Variants in AQP9 observed in about 807,000 individuals in gnomAD.
AQP9 encodes the protein aquaporin 9.
AQP9 carries 19 observed loss-of-function variants against 23.8 expected under a neutral mutation model. That is an observed-to-expected ratio of 0.80 (90% CI 0.56 to 1.17). The LOEUF (loss-of-function observed/expected upper bound fraction) is 1.17, where lower values mean the gene tolerates loss of function less well. Ranked by LOEUF, AQP9 falls within the 50% of genes most tolerant of loss-of-function variation. The pLI, the probability that AQP9 is intolerant of heterozygous loss-of-function variation, is 0.00. For missense variants in AQP9, 413 were observed against 362.0 expected (o/e 1.14, Z -1.14); for synonymous variants, 153 against 131.5 (o/e 1.16, Z -1.12).
chr15:58,158,055 T>G (rs1898300591), intron 1 of AQP9, among the ~76,000 whole-genome samples: 1 of 152,150 alleles, frequency 6.6e-6, no homozygotes, highest in South Asian at 2.1e-4. Flanking sequence ...CAGCCCTTTC[T>G]CTTTGGACTG....
chr15:58,148,516 A>G (rs1898090252), intron 1 of AQP9, among the ~76,000 whole-genome samples: 1 of 152,216 alleles, frequency 6.6e-6, no homozygotes, highest in Admixed American at 6.5e-5. Context: ...GAGTGACAAG[A>G]GGCGGCCTTG....
At chr15:58,150,473 C>A (rs1257303836) in intron 1 of AQP9, 2 of 152,610 alleles carry the variant, frequency 1.3e-5, no homozygotes, top group African/African-American at 4.8e-5. Context: ...TACATCTAAC[C>A]ACCACTTTGG....
intron 2 of AQP9, among the ~76,000 whole-genome samples, chr15:58,170,551 T>C (rs1180732124): frequency 1.3e-5 from 2 of 151,620 alleles, no homozygotes; most frequent in African/African-American, 4.8e-5. Context: ...ACTACAGGCG[T>C]ATGCCACTAT....
chr15:58,180,984 C>T lies in AQP9; in HGVS notation c.713+1639C>T, dbSNP rs574099718. ...CTCCTTATTCCCAGAGCCCAGAATT[C>T]GCCCATGAGTTTCCCTTAATTCCAC... On this transcript the variant is annotated intron_variant, in intron 5 of 5. Coordinates refer to ENST00000219919, the MANE Select transcript of AQP9 (RefSeq NM_020980.5). 3.9e-5 allele frequency among the ~76,000 whole-genome samples: 6 copies of T among 152,304 alleles called. No homozygotes were observed. The East Asian group carries it at 5.8e-4, about 15-fold the overall frequency.
chr15:58,185,200 A>C lies in AQP9; in HGVS notation c.*1065A>C, dbSNP rs1898996439. On this transcript the variant is annotated 3_prime_UTR_variant, in exon 6 of 6. Coordinates refer to ENST00000219919, the MANE Select transcript of AQP9 (RefSeq NM_020980.5). ...TGCCACATTGCCCATTTTTCAGATA[A>C]AGAAACAAAATCTTAGGGAAGATAA... The C allele has an allele frequency of 6.6e-6, 1 of 152,568 alleles. No individual in the cohort carries two copies. The highest frequency in any genetic ancestry group is 2.1e-4 in the South Asian group (1 of 4,830). 9.5% of individuals were successfully genotyped at this position (152,568 alleles called of 1,614,324 possible).
intron 1 of AQP9, among the ~76,000 whole-genome samples, chr15:58,157,348 AC>A (rs768545634): frequency 1.1e-4 from 17 of 152,224 alleles, no homozygotes; most frequent in Non-Finnish European, 2.1e-4. Context: ...CTTTGAAAGA[AC>A]AATAATGAAT....
intron 1 of AQP9, among the ~76,000 whole-genome samples, chr15:58,159,664 C>T (rs1308482851): frequency 1.1e-4 from 17 of 152,186 alleles, no homozygotes; most frequent in Middle Eastern, 3.4e-3. Flanking sequence ...TTCTTTCCTC[C>T]GCCCTTTCTT....
intron 4 of AQP9, among the ~76,000 whole-genome samples, chr15:58,178,216 A>T (rs59302123): frequency 0.013 from 2,019 of 152,328 alleles, 41 homozygotes; most frequent in African/African-American, 0.045. Context: ...ACCAAGGGAC[A>T]GCTGTATAAA....
chr15:58,179,586 T>C (rs549967054), intron 5 of AQP9, among the ~76,000 whole-genome samples: 1 of 151,750 alleles, frequency 6.6e-6, no homozygotes, highest in Non-Finnish European at 1.5e-5. Context: ...GTAAATTCAA[T>C]AGAGATAAAA....
intron 5 of AQP9, 97 bp downstream of exon 5, chr15:58,179,442 C>A: frequency 8.9e-7 from 1 of 1,120,184 alleles, no homozygotes; most frequent in Non-Finnish European, 1.3e-6. Flanking sequence ...GTTCAGATGA[C>A]AGCGCCAACG....
At chr15:58,143,575 T>C (rs766849124) in intron 1 of AQP9, among the ~76,000 whole-genome samples, 1 of 152,252 alleles carries the variant, frequency 6.6e-6, no homozygotes, top group South Asian at 2.1e-4. Context: ...TTCTAATATA[T>C]GCTTTTGAAG....
At chr15:58,141,109 A>C (rs1253861493) in intron 1 of AQP9, among the ~76,000 whole-genome samples, 1 of 152,206 alleles carries the variant, frequency 6.6e-6, no homozygotes, top group Non-Finnish European at 1.5e-5. Context: ...TTTCACCTTT[A>C]CTAGTGTGGG....
At chr15:58,144,817 C>T (rs1394380327) in intron 1 of AQP9, among the ~76,000 whole-genome samples, 1 of 151,642 alleles carries the variant, frequency 6.6e-6, no homozygotes, top group Non-Finnish European at 1.5e-5. Context: ...AGTTCCAGAC[C>T]AGCCTGGTCA....
intron 1 of AQP9, among the ~76,000 whole-genome samples, chr15:58,165,041 T>A (rs1338379325): frequency 6.6e-6 from 1 of 152,204 alleles, no homozygotes; most frequent in Non-Finnish European, 1.5e-5. Flanking sequence ...TATTTCCTCA[T>A]ATGCTCTCTT....
intron 5 of AQP9, 138 bp from the exon 6 acceptor site, chr15:58,183,823 G>GC (rs1898946532): frequency 6.8e-6 from 6 of 881,070 alleles, no homozygotes; most frequent in Admixed American, 4.7e-5. Context: ...GCTGCACTGA[G>GC]CCCCCCTTAT....
chr15:58,174,975 C>T lies in AQP9; in HGVS notation c.434C>T (p.Ala145Val), dbSNP rs1898710155. The T allele has an allele frequency of 6.2e-7, 1 of 1,614,090 alleles. No homozygotes were observed. Among genetic ancestry groups the T allele is most frequent in the African/African-American group, 1.3e-5 (1 of 74,940 alleles). The stretch of plus-strand genomic sequence containing the variant: ...CTGATCGTGGGAGAAAATGCAACAG[C>T]ACACATTTTTGCAACATACCCAGCT... ...KLLIVGENATAHIFATYPAPY... is the reference protein window; with the variant it reads ...KLLIVGENATVHIFATYPAPY... The change falls in exon 4 of 6, where the codon GCA (alanine) becomes GTA (valine). Residue 145 changes from alanine (A) to valine (V), a missense_variant. Physicochemically the swap from Ala to Val is moderately conservative, Grantham distance 64 (BLOSUM62 0). Transcript: ENST00000219919.
chr15:58,152,799 T>C (rs2140596509), intron 1 of AQP9: 1 of 152,268 alleles, frequency 6.6e-6, no homozygotes, highest in Non-Finnish European at 1.5e-5. Flanking sequence ...TATCTCAAAC[T>C]GACAGTAACA....
intron 1 of AQP9, among the ~76,000 whole-genome samples, chr15:58,159,416 C>A (rs1898327937): frequency 6.6e-6 from 1 of 152,014 alleles, no homozygotes; most frequent in Non-Finnish European, 1.5e-5. Flanking sequence ...TTTGGGGGTA[C>A]ATGGGACATT....
At chr15:58,144,931 T>G (rs1898014880) in intron 1 of AQP9, among the ~76,000 whole-genome samples, 1 of 149,436 alleles carries the variant, frequency 6.7e-6, no homozygotes. Flanking sequence ...GGAGAATCGC[T>G]TCAACCCGGA....
Sources: allele counts gnomAD v4.1 joint callset (sites outside exome capture counted in the v4.1 genomes callset), GRCh38; gene constraint gnomAD v4.1.1; transcripts MANE v1.5; gene names NCBI Gene and HGNC (gene_info 2026-07-23, HGNC 2026-07-21).